The following NF1 variants were observed in gnomAD, a reference collection of about 807,000 sequenced individuals.
The protein encoded by NF1 is neurofibromin.
NF1 carries 122 observed loss-of-function variants against 325.7 expected under a neutral mutation model. The observed-to-expected ratio is 0.37, with a 90% CI of 0.32 to 0.44. The LOEUF (loss-of-function observed/expected upper bound fraction) is 0.44. Among genes scored for constraint, NF1 ranks in the 20% least tolerant of loss-of-function variants. NF1 has a pLI of 1.00. For synonymous variants in NF1, 1,091 were observed against 1,186.0 expected (o/e 0.92, Z 1.65); for missense variants, 2,140 against 3,415.4 (o/e 0.63, Z 9.31).
intron 39 of NF1, among the ~76,000 whole-genome samples, chr17:31,333,449 C>G (rs145334746): frequency 6.6e-6 from 1 of 152,138 alleles, no homozygotes; most frequent in African/African-American, 2.4e-5. Context: ...CAGATCTAGA[C>G]ATAGAACATT....
At chr17:31,105,421 C>T (rs561784887) in intron 1 of NF1, among the ~76,000 whole-genome samples, 67 of 152,334 alleles carry the variant, frequency 4.4e-4, no homozygotes, top group Non-Finnish European at 8.5e-4. Context: ...CTGGCACTCA[C>T]GGTTTGGCTT....
intron 31 of NF1, chr17:31,253,477 C>T (rs1472877032): frequency 1.9e-5 from 3 of 155,786 alleles, no homozygotes; most frequent in Non-Finnish European, 2.8e-5. Flanking sequence ...TATTTTTTTA[C>T]TCTTCATATT....
chr17:31,114,409 G>A (rs1913710741), intron 1 of NF1, among the ~76,000 whole-genome samples: 1 of 151,884 alleles, frequency 6.6e-6, no homozygotes, highest in South Asian at 2.1e-4. Flanking sequence ...GTGGTGGCGG[G>A]TACCTGTAGT....
intron 35 of NF1, 105 bp from the exon 36 acceptor site, chr17:31,265,124 A>G: frequency 1.2e-6 from 1 of 848,098 alleles, no homozygotes; most frequent in Non-Finnish European, 1.9e-6. Context: ...TGCTTTTAAA[A>G]TATTTTTTCA....
chr17:31,278,493 CTTTTTTTT>C (rs200450821), intron 36 of NF1, among the ~76,000 whole-genome samples: 2 of 15,336 alleles, frequency 1.3e-4, no homozygotes, highest in Admixed American at 1.7e-3. Flanking sequence ...GTAATTGAAG[CTTTTTTTT>C]TTTTTTTTTT....
intron 48 of NF1, among the ~76,000 whole-genome samples, chr17:31,343,669 AT>A (rs1172992301): frequency 6.6e-6 from 1 of 152,196 alleles, no homozygotes; most frequent in African/African-American, 2.4e-5. Flanking sequence ...AAAAGAGTTT[AT>A]TCTGGCTGGG....
intron 30 of NF1, among the ~76,000 whole-genome samples, chr17:31,249,593 G>C (rs1173791288): frequency 6.6e-6 from 1 of 152,114 alleles, no homozygotes; most frequent in Non-Finnish European, 1.5e-5. Context: ...TGATTGTTCT[G>C]TTTACTTTAT....
Position 31,235,931 on chromosome 17 carries a change from C to T in NF1, c.3884C>T (p.Thr1295Ile), listed in dbSNP as rs2151438517. 1 of 1,613,674 alleles carries T rather than the reference C, an allele frequency of 6.2e-7. No individual in the cohort carries two copies. Among genetic ancestry groups the T allele is most frequent in the Non-Finnish European group, 8.5e-7 (1 of 1,179,684 alleles). Residue 1295 changes from threonine (T) to isoleucine (I), a missense_variant, in exon 29 of 58, where the codon ACC becomes ATC. Transcript: ENST00000358273. The part of the protein sequence containing the change: ...MTFCFKVYGA[T>I]YLQKLLDPLL... Reference sequence around the variant, plus strand: ...GCATTTCTGTAGGTATATGGTGCTACCTATCTACAAAAACTCCTGGATCCT... The same window carrying T: ...GCATTTCTGTAGGTATATGGTGCTATCTATCTACAAAAACTCCTGGATCCT...
chr17:31,101,368 G>A (rs748537827), intron 1 of NF1, among the ~76,000 whole-genome samples: 10 of 152,074 alleles, frequency 6.6e-5, no homozygotes, highest in Non-Finnish European at 1.2e-4. Flanking sequence ...CTAGCCATTA[G>A]CTTTCCTATA....
rs537819930 is a variant in NF1 at position 31,210,894 on chromosome 17, T to G, written c.1393-3557T>G. ...CTTCTCCTTTGTACCTTTGTAGTAT[T>G]TTTTTAATATTTGAAATGTTTGTCT... On this transcript the variant is annotated intron_variant, in intron 12 of 57. Transcript: ENST00000358273. Among the ~76,000 whole-genome samples, 63 of 152,328 alleles carry G rather than the reference T, an allele frequency of 4.1e-4. No individual in the cohort carries two copies. In the South Asian group the frequency reaches 0.013, roughly 31 times the overall value.
intron 13 of NF1, among the ~76,000 whole-genome samples, chr17:31,218,157 C>T (rs2066855698): frequency 6.6e-6 from 1 of 152,158 alleles, no homozygotes; most frequent in Admixed American, 6.5e-5. Context: ...CCTTATCCAA[C>T]ATGTATGTCC....
intron 53 of NF1, 63 bp downstream of exon 53, chr17:31,357,153 G>A (rs1183090491): frequency 6.2e-7 from 1 of 1,605,768 alleles, no homozygotes; most frequent in Non-Finnish European, 8.5e-7. Flanking sequence ...ACTTTTAGGA[G>A]GCCCTTAAAT....
At chr17:31,366,571 T>C (rs184154120) in intron 57 of NF1, among the ~76,000 whole-genome samples, 27 of 152,308 alleles carry the variant, frequency 1.8e-4, no homozygotes, top group Middle Eastern at 6.8e-3. Flanking sequence ...GAGTCAGTAA[T>C]ACTTCTGTTT....
intron 8 of NF1, 25 bp from the exon 9 acceptor site, chr17:31,200,397 T>G: frequency 6.2e-7 from 1 of 1,610,170 alleles, no homozygotes; most frequent in South Asian, 1.1e-5. Flanking sequence ...ATATATTATC[T>G]TATCGCTATA....
In NF1 at chr17:31,235,564, A is replaced by G. The variant is rs759417302; in HGVS notation, c.3709-47A>G. Reference sequence around the variant, plus strand: ...CTACTCTTTAGCTTCCTACCTAAGAATAAAAATGGGATTGTTTGCACTAAC... The same window carrying G: ...CTACTCTTTAGCTTCCTACCTAAGAGTAAAAATGGGATTGTTTGCACTAAC... On this transcript the variant is annotated intron_variant, in intron 27 of 57. Transcript: ENST00000358273. 1.5e-4 allele frequency: 236 copies of G among 1,610,694 alleles called. No homozygotes were observed. In the East Asian group the frequency reaches 5.1e-3, roughly 35 times the overall value.
At position 31,357,278 on chromosome 17, in the gene NF1, G is replaced by A. The variant is rs751170836; in HGVS notation, c.7879G>A (p.Val2627Ile). The part of the protein sequence containing the change: ...ALLLTVLATL[V>I]KYTTDEFDQR... The stretch of plus-strand genomic sequence containing the variant: ...TTTTGCATCTTGGCAGGCTACACTG[G>A]TAAAATATACCACAGATGAGTTTGA... The change falls in exon 54 of 58, where the codon GTA becomes ATA. Residue 2627 changes from valine (V) to isoleucine (I), a missense_variant. By Grantham distance (29) the Val-to-Ile change is conservative (BLOSUM62 3). Around this residue, in one of 10 missense-constraint regions of NF1, gnomAD observed 522 missense variants for 749.0 expected, o/e 0.70. Transcript: ENST00000358273. 1 of 1,613,894 alleles carries A rather than the reference G, an allele frequency of 6.2e-7. No homozygotes were observed. The highest frequency in any genetic ancestry group is 8.5e-7 in the Non-Finnish European group (1 of 1,179,842).
chr17:31,247,178 A>C (rs1328638406), intron 29 of NF1, among the ~76,000 whole-genome samples: 2 of 143,926 alleles, frequency 1.4e-5, no homozygotes, highest in Non-Finnish European at 3.0e-5. Flanking sequence ...CCGGCAACAG[A>C]GCAAGACTCC....
intron 36 of NF1, among the ~76,000 whole-genome samples, chr17:31,287,580 C>G (rs1043474460): frequency 9.5e-5 from 11 of 115,616 alleles, no homozygotes; most frequent in African/African-American, 5.5e-4. Context: ...GTGTGTGTGA[C>G]ACAGGGTGTG....
chr17:31,168,399 A>G (rs2065878884), intron 4 of NF1, among the ~76,000 whole-genome samples: 1 of 152,184 alleles, frequency 6.6e-6, no homozygotes, highest in South Asian at 2.1e-4. Context: ...ATGCATTGCC[A>G]AATTTGTGGG....
Sources: allele counts gnomAD v4.1 joint callset (sites outside exome capture counted in the v4.1 genomes callset), GRCh38; gene constraint gnomAD v4.1.1; regional missense constraint gnomAD v4.1.1; transcripts MANE v1.5; gene names NCBI Gene and HGNC (gene_info 2026-07-23, HGNC 2026-07-21).